The following SBSPON variants were observed in gnomAD, a reference collection of about 807,000 sequenced individuals.
The protein encoded by SBSPON is somatomedin-B and thrombospondin type-1 domain-containing protein.
In SBSPON, 30 loss-of-function variants were observed where a neutral mutation model predicts 35.8. That is an observed-to-expected ratio of 0.84 (90% CI 0.63 to 1.14). SBSPON has a LOEUF of 1.14. Among genes scored for constraint, SBSPON ranks in the 50% most tolerant of loss-of-function variants. The probability of loss-of-function intolerance (pLI) is 0.00; values close to 1 mark genes in which losing one functional copy is unlikely to be tolerated. For missense variants in SBSPON, 364 were observed against 357.7 expected (o/e 1.02, Z -0.14); for synonymous variants, 136 against 135.9 (o/e 1.00, Z 0.00).
At chr8:73,082,735 G>C (rs1023663573) in intron 1 of SBSPON, among the ~76,000 whole-genome samples, 1 of 151,938 alleles carries the variant, frequency 6.6e-6, no homozygotes, top group Non-Finnish European at 1.5e-5. Context: ...TTATTTTCTT[G>C]ATTTCATAAT....
chr8:73,066,977 A>G lies in SBSPON; in HGVS notation c.*364T>C, dbSNP rs1387814503. 1 of 173,286 alleles carries G rather than the reference A, an allele frequency of 5.8e-6. No individual in the cohort carries two copies. The highest frequency in any genetic ancestry group is 2.4e-5 in the African/African-American group (1 of 42,184). The allele number at this position is 173,286 out of a possible 1,614,324, so 10.7% of individuals were successfully genotyped here. On this transcript the variant is annotated 3_prime_UTR_variant, in exon 5 of 5. Coordinates refer to ENST00000297354, the MANE Select transcript of SBSPON (RefSeq NM_153225.4). Reference sequence around the variant, plus strand: ...TAAAATAGACTGCAAGGTTCAAAACATAGATCCCCTTAAATGACACTTCCG... The same window carrying G: ...TAAAATAGACTGCAAGGTTCAAAACGTAGATCCCCTTAAATGACACTTCCG...
At position 73,093,005 on chromosome 8, in the gene SBSPON, G is replaced by A. The variant is rs1810966805; in HGVS notation, c.63C>T (p.Gly21=). 1.4e-6 allele frequency: 2 copies of A among 1,462,310 alleles called. No individual in the cohort carries two copies. Among genetic ancestry groups the A allele is most frequent in the African/African-American group, 1.5e-5 (1 of 66,844 alleles). 90.6% of individuals were successfully genotyped at this position (1,462,310 alleles called of 1,614,324 possible). Residue 21 remains glycine, a synonymous_variant, in exon 1 of 5, where the codon GGC becomes GGT. Coordinates refer to ENST00000297354, the MANE Select transcript of SBSPON (RefSeq NM_153225.4). ...LSRLWPGAQA[G]CAEAGRCCPG... Reference sequence around the variant, plus strand: ...GACAGCAGCGCCCGGCCTCGGCGCAGCCGGCCTGGGCCCCGGGCCACAGCC... The same window carrying A: ...GACAGCAGCGCCCGGCCTCGGCGCAACCGGCCTGGGCCCCGGGCCACAGCC...
chr8:73,085,200 C>T (rs937665476), intron 1 of SBSPON, among the ~76,000 whole-genome samples: 3 of 152,126 alleles, frequency 2.0e-5, no homozygotes, highest in Non-Finnish European at 2.9e-5. Context: ...GCAATGGCCC[C>T]AAGGGTGTCC....
chr8:73,080,640 G>A (rs779736558), intron 2 of SBSPON, among the ~76,000 whole-genome samples: 6 of 152,194 alleles, frequency 3.9e-5, no homozygotes, highest in East Asian at 1.9e-4. Flanking sequence ...GTGAAATAGC[G>A]TTATACTTCC....
intron 2 of SBSPON, among the ~76,000 whole-genome samples, chr8:73,072,848 T>G (rs1563486820): frequency 1.3e-5 from 2 of 152,148 alleles, no homozygotes; most frequent in Non-Finnish European, 2.9e-5. Flanking sequence ...AAGTCTTCAG[T>G]GGTCCCCTTC....
At chr8:73,084,360 A>C (rs973707357) in intron 1 of SBSPON, among the ~76,000 whole-genome samples, 2 of 152,234 alleles carry the variant, frequency 1.3e-5, no homozygotes, top group Admixed American at 6.5e-5. Flanking sequence ...AATTACTTTA[A>C]AAGATGTATC....
At chr8:73,089,278 C>T (rs1586101771) in intron 1 of SBSPON, among the ~76,000 whole-genome samples, 2 of 152,096 alleles carry the variant, frequency 1.3e-5, no homozygotes, top group East Asian at 3.9e-4. Context: ...GATGGCTGGG[C>T]ATGGTAAGCT....
intron 2 of SBSPON, among the ~76,000 whole-genome samples, chr8:73,077,137 C>G (rs1239710688): frequency 2.6e-5 from 4 of 152,168 alleles, no homozygotes; most frequent in African/African-American, 7.2e-5. Flanking sequence ...AACTCCTGAC[C>G]TCAGGTGATC....
chr8:73,074,250 G>A (rs1810550083), intron 2 of SBSPON, among the ~76,000 whole-genome samples: 1 of 152,074 alleles, frequency 6.6e-6, no homozygotes, highest in Non-Finnish European at 1.5e-5. Flanking sequence ...CAAAGGCAAG[G>A]TACTTAATGT....
chr8:73,071,904 G>C, intron 2 of SBSPON, 34 bp from the exon 3 acceptor site: 4 of 1,375,094 alleles, frequency 2.9e-6, no homozygotes, highest in Non-Finnish European at 4.2e-6. Flanking sequence ...AATTCAGGGA[G>C]CCAAAGTACT....
intron 2 of SBSPON, among the ~76,000 whole-genome samples, chr8:73,078,873 C>G (rs1810643904): frequency 6.6e-6 from 1 of 152,078 alleles, no homozygotes; most frequent in African/African-American, 2.4e-5. Flanking sequence ...GTGATCTTCT[C>G]CCCGGCAAAG....
chr8:73,073,813 AC>A (rs1435295674), intron 2 of SBSPON, among the ~76,000 whole-genome samples: 20 of 151,472 alleles, frequency 1.3e-4, no homozygotes, highest in African/African-American at 4.1e-4. Flanking sequence ...AAAAAAAAAA[AC>A]AAAAACAAAA....
intron 1 of SBSPON, among the ~76,000 whole-genome samples, chr8:73,088,981 T>C (rs1276912345): frequency 1.3e-5 from 2 of 152,208 alleles, no homozygotes; most frequent in Non-Finnish European, 2.9e-5. Flanking sequence ...CAGTTGAGTC[T>C]CAGTACTCAG....
At chr8:73,092,375 G>A (rs1448149450) in intron 1 of SBSPON, among the ~76,000 whole-genome samples, 1 of 152,166 alleles carries the variant, frequency 6.6e-6, no homozygotes, top group Non-Finnish European at 1.5e-5. Context: ...CCCAGAGCAC[G>A]CCCTTGGCAC....
intron 4 of SBSPON, among the ~76,000 whole-genome samples, chr8:73,068,577 TAAGTG>T (rs1810435424): frequency 6.6e-6 from 1 of 152,234 alleles, no homozygotes; most frequent in South Asian, 2.1e-4. Flanking sequence ...AAACACTAAA[TAAGTG>T]CAGAACTGGG....
chr8:73,078,041 AC>A (rs1204015736), intron 2 of SBSPON, among the ~76,000 whole-genome samples: 2 of 152,182 alleles, frequency 1.3e-5, no homozygotes, highest in African/African-American at 4.8e-5. Context: ...TGATTAGGTG[AC>A]CCAGCTATGA....
At chr8:73,076,936 C>T (rs1012478970) in intron 2 of SBSPON, among the ~76,000 whole-genome samples, 15 of 152,190 alleles carry the variant, frequency 9.9e-5, no homozygotes, top group Non-Finnish European at 1.5e-4. Flanking sequence ...GACAGAGTTT[C>T]GCTCTTGTTG....
intron 2 of SBSPON, among the ~76,000 whole-genome samples, chr8:73,077,643 G>T (rs1810617664): frequency 6.6e-6 from 1 of 152,256 alleles, no homozygotes; most frequent in Non-Finnish European, 1.5e-5. Flanking sequence ...AAACACATAA[G>T]TGAATGCTTA....
At chr8:73,084,375 A>AT (rs919695716) in intron 1 of SBSPON, among the ~76,000 whole-genome samples, 155 of 152,350 alleles carry the variant, frequency 1.0e-3, no homozygotes, top group African/African-American at 3.6e-3. Flanking sequence ...TGTATCACTA[A>AT]TTTTTTAAAA....
Sources: allele counts gnomAD v4.1 joint callset (sites outside exome capture counted in the v4.1 genomes callset), GRCh38; gene constraint gnomAD v4.1.1; transcripts MANE v1.5; gene names NCBI Gene and HGNC (gene_info 2026-07-23, HGNC 2026-07-21).